Variants in DCC observed in about 807,000 individuals in gnomAD.
DCC encodes the protein netrin receptor DCC.
DCC carries 58 observed loss-of-function variants against 172.5 expected under a neutral mutation model. The observed-to-expected ratio is 0.34, with a 90% CI of 0.27 to 0.42. The LOEUF (loss-of-function observed/expected upper bound fraction) is 0.42, where lower values mean the gene tolerates loss of function less well. DCC is among the 10% of genes least tolerant of loss of function. The pLI is 1.00. For missense variants in DCC, 1,740 were observed against 1,791.0 expected (o/e 0.97, Z 0.51); for synonymous variants, 709 against 644.5 (o/e 1.10, Z -1.52).
At chr18:52,925,084 A>G in intron 4 of DCC, 150 bp from the exon 5 acceptor site, 1 of 753,122 alleles carries the variant, frequency 1.3e-6, no homozygotes, top group South Asian at 1.6e-5. Flanking sequence ...TTTTTGGATC[A>G]ATAAGTGAGA....
At chr18:52,493,227 T>A (rs2030593462) in intron 1 of DCC, among the ~76,000 whole-genome samples, 3 of 151,982 alleles carry the variant, frequency 2.0e-5, no homozygotes, top group Admixed American at 2.0e-4. Context: ...CCTCCCAGAC[T>A]TCAGGGCTAG....
intron 1 of DCC, among the ~76,000 whole-genome samples, chr18:52,565,268 C>T (rs2033132903): frequency 6.6e-6 from 1 of 152,090 alleles, no homozygotes; most frequent in Non-Finnish European, 1.5e-5. Context: ...GGTTCCAAGT[C>T]TTTGCTATTG....
At chr18:52,954,442 A>G (rs895091061) in intron 5 of DCC, among the ~76,000 whole-genome samples, 1 of 152,190 alleles carries the variant, frequency 6.6e-6, no homozygotes, top group Non-Finnish European at 1.5e-5. Context: ...TATTCTGCCA[A>G]TAGTCATTTG....
intron 5 of DCC, among the ~76,000 whole-genome samples, chr18:53,047,232 T>G (rs1599065057): frequency 1.9e-5 from 1 of 52,108 alleles, no homozygotes; most frequent in Non-Finnish European, 3.6e-5. Flanking sequence ...TCCCTGCAGG[T>G]AGGATATATA....
At chr18:52,491,325 C>T (rs2030488050) in intron 1 of DCC, among the ~76,000 whole-genome samples, 1 of 151,948 alleles carries the variant, frequency 6.6e-6, no homozygotes, top group South Asian at 2.1e-4. Context: ...ATCAAACATG[C>T]AAACAAACAC....
chr18:52,940,067 C>A (rs1399404853), intron 5 of DCC, among the ~76,000 whole-genome samples: 1 of 152,136 alleles, frequency 6.6e-6, no homozygotes, highest in Non-Finnish European at 1.5e-5. Flanking sequence ...GGGTTGGGTC[C>A]CAGGAAACTG....
chr18:53,518,379 G>T (rs913553368), intron 27 of DCC, among the ~76,000 whole-genome samples: 10 of 152,128 alleles, frequency 6.6e-5, no homozygotes, highest in Non-Finnish European at 1.5e-4. Flanking sequence ...CATTTTTAGA[G>T]CATTCCGGCT....
intron 1 of DCC, among the ~76,000 whole-genome samples, chr18:52,710,717 T>C (rs1419054975): frequency 2.0e-5 from 3 of 152,232 alleles, no homozygotes; most frequent in African/African-American, 7.2e-5. Context: ...AGGTATTTAA[T>C]AACATAAATC....
chr18:52,459,052 T>A (rs919829029), intron 1 of DCC, among the ~76,000 whole-genome samples: 6 of 152,070 alleles, frequency 3.9e-5, no homozygotes, highest in African/African-American at 1.2e-4. Context: ...GTAAATTAGT[T>A]CTTTTTTTTT....
At chr18:53,416,874 C>T (rs996095088) in intron 21 of DCC, among the ~76,000 whole-genome samples, 36 of 152,100 alleles carry the variant, frequency 2.4e-4, no homozygotes, top group African/African-American at 8.2e-4. Flanking sequence ...ATTAGGATTC[C>T]GTTATCTTTA....
At chr18:53,031,686 T>C (rs2042028118) in intron 5 of DCC, among the ~76,000 whole-genome samples, 1 of 152,120 alleles carries the variant, frequency 6.6e-6, no homozygotes, top group African/African-American at 2.4e-5. Context: ...TTCATCAAAA[T>C]TATATACACT....
intron 1 of DCC, among the ~76,000 whole-genome samples, chr18:52,642,300 A>G (rs1290511490): frequency 2.0e-5 from 3 of 151,370 alleles, no homozygotes; most frequent in African/African-American, 7.3e-5. Context: ...GAATGATGCA[A>G]TGGGCTTTGG....
At chr18:53,012,390 T>G (rs1342906331) in intron 5 of DCC, among the ~76,000 whole-genome samples, 1 of 151,982 alleles carries the variant, frequency 6.6e-6, no homozygotes, top group East Asian at 1.9e-4. Context: ...GAATAAATCT[T>G]AAAAACATTC....
intron 2 of DCC, among the ~76,000 whole-genome samples, chr18:52,857,840 G>T (rs35614945): frequency 3.9e-5 from 6 of 152,164 alleles, no homozygotes; most frequent in Non-Finnish European, 5.9e-5. Flanking sequence ...GCTCTAATGA[G>T]CCAAATCTGT....
chr18:52,785,894 T>C (rs1363129404), intron 2 of DCC, among the ~76,000 whole-genome samples: 2 of 152,100 alleles, frequency 1.3e-5, no homozygotes, highest in African/African-American at 2.4e-5. Context: ...CTATTATTTT[T>C]AGGACAAGTA....
intron 3 of DCC, among the ~76,000 whole-genome samples, chr18:52,912,413 G>A (rs918118601): frequency 4.0e-5 from 6 of 151,634 alleles, no homozygotes; most frequent in Non-Finnish European, 4.4e-5. Context: ...TTGGATTCTG[G>A]GTCTCATAAG....
intron 5 of DCC, among the ~76,000 whole-genome samples, chr18:53,029,609 T>C (rs567852824): frequency 2.6e-5 from 2 of 78,136 alleles, no homozygotes; most frequent in Admixed American, 9.5e-5. Flanking sequence ...AGGCAGATTC[T>C]ATGTGTCTTT....
At chr18:52,836,061 G>A (rs1271249852) in intron 2 of DCC, among the ~76,000 whole-genome samples, 1 of 152,192 alleles carries the variant, frequency 6.6e-6, no homozygotes, top group Non-Finnish European at 1.5e-5. Context: ...CAGCAGGAAG[G>A]AGGCTAATGA....
At chr18:53,469,455 T>G (rs1248463464) in intron 25 of DCC, among the ~76,000 whole-genome samples, 1 of 152,178 alleles carries the variant, frequency 6.6e-6, no homozygotes, top group Non-Finnish European at 1.5e-5. Flanking sequence ...CTTTTCAGAT[T>G]TCAGTATCTC....
Sources: allele counts gnomAD v4.1 joint callset (sites outside exome capture counted in the v4.1 genomes callset), GRCh38; gene constraint gnomAD v4.1.1; transcripts MANE v1.5; gene names NCBI Gene and HGNC (gene_info 2026-07-23, HGNC 2026-07-21).